The following RUSC1 variants were observed in gnomAD, a reference collection of about 807,000 sequenced individuals.
RUSC1 encodes RUN and SH3 domain containing 1, also known as AP-4 complex accessory subunit RUSC1.
RUSC1 carries 40 observed loss-of-function variants against 72.1 expected under a neutral mutation model. The observed-to-expected ratio is 0.55, with a 90% confidence interval of 0.43 to 0.72. The LOEUF (loss-of-function observed/expected upper bound fraction) is 0.72. RUSC1 is among the 30% of genes least tolerant of loss of function. The pLI, the probability that RUSC1 is intolerant of heterozygous loss-of-function variation, is 0.00. For missense variants in RUSC1, 1,092 were observed against 1,172.3 expected (o/e 0.93, Z 1.00); for synonymous variants, 512 against 494.2 (o/e 1.04, Z -0.48).
At chr1:155,321,189 A>C in intron 1 of RUSC1, 198 bp downstream of exon 1, 1 of 1,369,504 alleles carries the variant, frequency 7.3e-7, no homozygotes, top group Non-Finnish European at 9.8e-7. Flanking sequence ...CAGCCAGCAG[A>C]TGCGGAGTTG....
Position 155,326,630 on chromosome 1 carries a change from G to T in RUSC1, c.1912G>T (p.Gly638Cys). ...LPTGFFSLARGGCPSLSTELL... is the reference protein window; with the variant it reads ...LPTGFFSLARCGCPSLSTELL... The stretch of plus-strand genomic sequence containing the variant: ...AACAGGATTTTTCTCCCTGGCCCGC[G>T]GTGGTTGTCCCTCCCTGTCCACAGA... Residue 638 changes from glycine (G) to cysteine (C), a missense_variant, in exon 8 of 10, where the codon GGT (glycine) becomes TGT (cysteine). Transcript: ENST00000368352. The surrounding 1 kb of genome is among the most constrained non-coding windows in gnomAD (Gnocchi z 4.7). 6.2e-7 allele frequency: 1 copy of T among 1,613,942 alleles called. No homozygotes were observed. The highest frequency in any genetic ancestry group is 8.5e-7 in the Non-Finnish European group (1 of 1,179,984).
Position 155,326,005 on chromosome 1 carries a change from C to A in RUSC1, c.1861+95C>A. ...GCTGGTTCCCACTGCTGCCAGAATG[C>A]CATTAATCCAGATCTCCGATCTTAT... is the stretch of plus-strand genomic sequence containing the variant. On this transcript the variant is annotated intron_variant, in intron 7 of 9. Coordinates refer to ENST00000368352, the MANE Select transcript of RUSC1 (RefSeq NM_001105203.2). This position sits in a 1 kb window ranked among gnomAD's most constrained non-coding sequence, Gnocchi z 4.7. 2 of 1,264,138 alleles carry A rather than the reference C, an allele frequency of 1.6e-6. No homozygotes were observed. Among genetic ancestry groups the A allele is most frequent in the Non-Finnish European group, 2.3e-6 (2 of 862,876 alleles). The allele number at this position is 1,264,138 out of a possible 1,614,324, so 78.3% of individuals were successfully genotyped here.
At chr1:155,323,250 A>G in intron 2 of RUSC1, 120 bp downstream of exon 2, 1 of 1,149,324 alleles carries the variant, frequency 8.7e-7, no homozygotes, top group Non-Finnish European at 1.1e-6. Flanking sequence ...CGCCCCTTCT[A>G]CCAGGGAGCG....
At position 155,330,445 on chromosome 1, in the gene RUSC1, C is replaced by T. The variant is rs1651894509; in HGVS notation, c.2583C>T (p.Asp861=). The T allele has an allele frequency of 6.2e-7, 1 of 1,613,326 alleles. No individual in the cohort carries two copies. Among genetic ancestry groups the T allele is most frequent in the African/African-American group, 1.3e-5 (1 of 74,896 alleles). ...ALCDHTAARP[D]QLSFRRGEVL... ...GTGATCACACTGCTGCAAGACCTGA[C>T]CAGTTGAGCTTCCGGCGTGGGGAAG... Residue 861 remains aspartate (D), a synonymous_variant, in exon 10 of 10, where the codon GAC becomes GAT. Coordinates refer to ENST00000368352, the MANE Select transcript of RUSC1 (RefSeq NM_001105203.2).
In RUSC1 at chr1:155,327,257, T is replaced by G. The variant is rs770998702; in HGVS notation, c.2414+125T>G. On this transcript the variant is annotated intron_variant, in intron 8 of 9. Transcript: ENST00000368352. ...TTGGCGGTCTGTTTTTCTACAGCCATGAGCTAAAAATGGTTACATTTTAAT... is the reference window on the plus strand; with the variant it reads ...TTGGCGGTCTGTTTTTCTACAGCCAGGAGCTAAAAATGGTTACATTTTAAT... 4.1e-6 allele frequency: 4 copies of G among 985,104 alleles called. No individual in the cohort carries two copies. In the African/African-American group the frequency reaches 4.9e-5, roughly 12 times the overall value. The allele number at this position is 985,104 out of a possible 1,614,324, so 61.0% of individuals were successfully genotyped here.
In RUSC1 at chr1:155,320,929, CCGGG is replaced by C. The variant is rs753720409; in HGVS notation, c.-144_-141del. ...CCCTCCCCTCCCGCTCTGTGCCCCG[CCGGG>C]CGGGGACCGTGGGAGCCGCGGACAA... On this transcript the variant is annotated 5_prime_UTR_variant, in exon 1 of 10. Transcript: ENST00000368352. 12 of 1,578,032 alleles carry C rather than the reference CCGGG, an allele frequency of 7.6e-6. No homozygotes were observed. In the Admixed American group the frequency reaches 2.2e-4, roughly 29 times the overall value.
At chr1:155,324,625 G>A in intron 2 of RUSC1, 1 of 1,521,850 alleles carries the variant, frequency 6.6e-7, no homozygotes, top group Non-Finnish European at 8.8e-7. Context: ...CAGGGAACCG[G>A]GATGGGGCTG....
rs1650653092 is a variant in RUSC1 at position 155,322,308 on chromosome 1, G to A, written c.535G>A (p.Asp179Asn). The change falls in exon 2 of 10, where the codon GAC becomes AAC. Residue 179 changes from aspartate (D) to asparagine (N), a missense_variant. Transcript: ENST00000368352. Reference sequence around the variant, plus strand: ...TTCTTCTTCACCCGATCCTGGCCTGGACTCGAACTGCAACGCCCTGACCAC... The same window carrying A: ...TTCTTCTTCACCCGATCCTGGCCTGAACTCGAACTGCAACGCCCTGACCAC... ...GASSSPDPGL[D>N]SNCNALTTCQ... is the part of the protein sequence containing the mutation. 6.2e-7 allele frequency: 1 copy of A among 1,611,386 alleles called. No individual in the cohort carries two copies. The highest frequency in any genetic ancestry group is 8.5e-7 in the Non-Finnish European group (1 of 1,178,106).
Position 155,330,523 on chromosome 1 carries a change from TG to T in RUSC1, c.2663del (p.Gly888AlafsTer58). The T allele has an allele frequency of 6.2e-7, 1 of 1,613,696 alleles. No homozygotes were observed. Among genetic ancestry groups the T allele is most frequent in the Non-Finnish European group, 8.5e-7 (1 of 1,179,772 alleles). On this transcript the variant is annotated frameshift_variant, in exon 10 of 10. Transcript: ENST00000368352. LOFTEE classifies it high-confidence loss of function. ...AGGACTGGCTCCGCTGTGGGCGGGATGGCATGGAGGGTCTGGTGCCTGTGGG... is the reference window on the plus strand; with the variant it reads ...AGGACTGGCTCCGCTGTGGGCGGGATGCATGGAGGGTCTGGTGCCTGTGGG... ...DEDWLRCGRD[G>X]MEGLVPVGYT...
In RUSC1 at chr1:155,325,438, C is replaced by G; in HGVS notation, c.1656C>G (p.Thr552=). 1 of 1,592,100 alleles carries G rather than the reference C, an allele frequency of 6.3e-7. No homozygotes were observed. Among genetic ancestry groups the G allele is most frequent in the East Asian group, 2.3e-5 (1 of 44,136 alleles). ...AGCCTTTCCGGAAGGACCTCATCACCGGGCAGCGCAGGAGCAGCCCCTGGA... is the reference window on the plus strand; with the variant it reads ...AGCCTTTCCGGAAGGACCTCATCACGGGGCAGCGCAGGAGCAGCCCCTGGA... ...GLKPFRKDLI[T]GQRRSSPWSV... is the part of the protein sequence containing the mutation. Residue 552 remains threonine, a synonymous_variant, in exon 5 of 10, where the codon ACC becomes ACG. Transcript: ENST00000368352. The surrounding 1 kb of genome is among the most constrained non-coding windows in gnomAD (Gnocchi z 6.5).
chr1:155,322,473 A>T lies in RUSC1; in HGVS notation c.700A>T (p.Ile234Phe). ...KTEPSWKINP[I>F]WKIDTEKTKA... ...GGAGCCCAGTTGGAAGATTAACCCAATTTGGAAAATTGACACAGAGAAAAC... is the reference window on the plus strand; with the variant it reads ...GGAGCCCAGTTGGAAGATTAACCCATTTTGGAAAATTGACACAGAGAAAAC... Residue 234 changes from isoleucine (I) to phenylalanine (F), a missense_variant, in exon 2 of 10, where the codon ATT becomes TTT. By Grantham distance (21) the Ile-to-Phe change is conservative. Coordinates refer to ENST00000368352, the MANE Select transcript of RUSC1 (RefSeq NM_001105203.2). 6.2e-7 allele frequency: 1 copy of T among 1,613,698 alleles called. No individual in the cohort carries two copies. The highest frequency in any genetic ancestry group is 8.5e-7 in the Non-Finnish European group (1 of 1,179,744).
At chr1:155,329,853 G>A (rs1651826908) in intron 9 of RUSC1, among the ~76,000 whole-genome samples, 1 of 151,462 alleles carries the variant, frequency 6.6e-6, no homozygotes, top group South Asian at 2.1e-4. Context: ...AGCTACTCGG[G>A]AGGCTGAGGC....
At chr1:155,329,075 T>C (rs1651736354) in intron 9 of RUSC1, among the ~76,000 whole-genome samples, 1 of 152,168 alleles carries the variant, frequency 6.6e-6, no homozygotes, top group Admixed American at 6.5e-5. Context: ...ACCTTTTTTA[T>C]GGTTATAGAG....
At position 155,328,187 on chromosome 1, in the gene RUSC1, T is replaced by C; in HGVS notation, c.2452T>C (p.Leu818=). 6.2e-7 allele frequency: 1 copy of C among 1,613,620 alleles called. No homozygotes were observed. Residue 818 remains leucine, a synonymous_variant, in exon 9 of 10, where the codon TTG becomes CTG. Transcript: ENST00000368352. ...SSWLPPTVSV[L]ALVKRGAPPE... ...CTGGCTGCCCCCGACAGTGAGTGTG[T>C]TGGCTCTTGTGAAGCGGGGGGCACC...
chr1:155,329,955 A>C (rs1266304079), intron 9 of RUSC1, among the ~76,000 whole-genome samples: 4 of 130,918 alleles, frequency 3.1e-5, no homozygotes, highest in Non-Finnish European at 6.1e-5. Flanking sequence ...TGTCTCAAGA[A>C]AAAAAAAAAA....
chr1:155,324,663 G>A (rs1258880232), intron 2 of RUSC1, 182 bp from the exon 3 acceptor site: 1 of 1,532,374 alleles, frequency 6.5e-7, no homozygotes, highest in Non-Finnish European at 8.7e-7. Context: ...GGAAGTGTGC[G>A]AGATTTCACT....
At chr1:155,330,220 A>C (rs1651868171) in intron 9 of RUSC1, among the ~76,000 whole-genome samples, 183 bp from the exon 10 acceptor site, 1 of 152,144 alleles carries the variant, frequency 6.6e-6, no homozygotes, top group African/African-American at 2.4e-5. Flanking sequence ...TGGGTTTGCC[A>C]CTCAGGAGAA....
chr1:155,327,191 TTCA>T, intron 8 of RUSC1, 59 bp downstream of exon 8: 1 of 1,492,412 alleles, frequency 6.7e-7, no homozygotes, highest in Non-Finnish European at 9.0e-7. Flanking sequence ...TCCTAGCGGC[TTCA>T]TTTGAAACTC....
chr1:155,324,101 G>T, intron 2 of RUSC1: 1 of 1,192,492 alleles, frequency 8.4e-7, no homozygotes, highest in Middle Eastern at 3.5e-4. Flanking sequence ...CAAGTCTAGG[G>T]GGTCCCAGCG....
Sources: gnomAD v4.1 joint callset for allele counts (sites outside exome capture counted in the v4.1 genomes callset) on GRCh38, gnomAD v4.1.1 for gene constraint, Gnocchi (gnomAD v3.1) non-coding constraint, MANE v1.5 for transcripts, NCBI Gene and HGNC (gene_info 2026-07-23, HGNC 2026-07-21) for gene names.